Variants in ABTB2 observed in about 807,000 individuals in gnomAD.
ABTB2 encodes the protein ankyrin repeat and BTB domain containing 2.
Under a neutral mutation model 104.1 loss-of-function variants are expected in ABTB2, and 56 were observed. The observed-to-expected ratio is 0.54, with a 90% confidence interval of 0.43 to 0.67. The LOEUF (loss-of-function observed/expected upper bound fraction) is 0.67. Ranked by LOEUF, ABTB2 falls within the 30% of genes least tolerant of loss-of-function variation. The probability of loss-of-function intolerance (pLI) is 0.00; values close to 1 mark genes in which losing one functional copy is unlikely to be tolerated. For missense variants in ABTB2, 1,279 were observed against 1,407.7 expected, an observed-to-expected ratio of 0.91 and a Z score of 1.46; for synonymous variants, 606 against 608.2, an observed-to-expected ratio of 1.00 and a Z score of 0.05.
intron 5 of ABTB2, among the ~76,000 whole-genome samples, chr11:34,169,772 C>A (rs528809499): frequency 6.6e-6 from 1 of 152,202 alleles, no homozygotes; most frequent in South Asian, 2.1e-4. Flanking sequence ...ACTGCCCCAC[C>A]CCACACTCCT....
chr11:34,204,425 TGGA>T (rs926930415), intron 2 of ABTB2, 116 bp downstream of exon 2: 73 of 1,264,320 alleles, frequency 5.8e-5, no homozygotes, highest in East Asian at 1.5e-4. Flanking sequence ...GCAAGGCACT[TGGA>T]GGAGGAGGAG....
intron 4 of ABTB2, among the ~76,000 whole-genome samples, chr11:34,172,459 T>TAGATAGAC (rs61525212): frequency 0.043 from 5,572 of 130,486 alleles, 577 homozygotes; most frequent in African/African-American, 0.15. Context: ...GATAGATAGA[T>TAGATAGAC]AGATAGATAG....
In ABTB2 at chr11:34,152,261, A is replaced by G; in HGVS notation, c.*126T>C. On this transcript the variant is annotated 3_prime_UTR_variant, in exon 17 of 17. Coordinates refer to ENST00000435224, the MANE Select transcript of ABTB2 (RefSeq NM_145804.3). ...GGTGAGCTGCCCGGTGACAGGGGGG[A>G]CATCTGGGGGAGGAGGAGGAAACAG... 9.7e-7 allele frequency: 1 copy of G among 1,033,372 alleles called. No individual in the cohort carries two copies. Among genetic ancestry groups the G allele is most frequent in the Non-Finnish European group, 1.4e-6 (1 of 722,230 alleles). The allele number at this position is 1,033,372 out of a possible 1,614,324, so 64.0% of individuals were successfully genotyped here. A position where few individuals can be genotyped will look rare whatever the true frequency, so the allele number is the denominator to read the frequency against.
At chr11:34,327,230 C>T (rs150538413) in intron 1 of ABTB2, among the ~76,000 whole-genome samples, 3 of 152,248 alleles carry the variant, frequency 2.0e-5, no homozygotes, top group Admixed American at 6.5e-5. Context: ...ATTACGCAAA[C>T]GTATCAAAAG....
intron 14 of ABTB2, among the ~76,000 whole-genome samples, chr11:34,158,590 G>A (rs954284689): frequency 2.0e-5 from 3 of 152,160 alleles, no homozygotes; most frequent in African/African-American, 7.2e-5. Flanking sequence ...TTGCAGCCCT[G>A]AGCCCACCAC....
chr11:34,350,197 G>A (rs186062525), intron 1 of ABTB2, among the ~76,000 whole-genome samples: 8 of 152,194 alleles, frequency 5.3e-5, no homozygotes, highest in Admixed American at 2.0e-4. Context: ...TCTAAACACC[G>A]AGATGGAGTC....
rs544925547 is a variant in ABTB2 at position 34,238,148 on chromosome 11, C to T, written c.884-33458G>A. Among the ~76,000 whole-genome samples the T allele has an allele frequency of 7.9e-5, 12 of 152,354 alleles. 1 individual carries two copies. Among genetic ancestry groups the T allele is most frequent in the Admixed American group, 7.2e-4 (11 of 15,304 alleles). On this transcript the variant is annotated intron_variant, in intron 1 of 16. Transcript: ENST00000435224. ...TACTCCCAGCCTCTCTGGCTACCCA[C>T]ACTAGCTGCCTCCTTGCTGTTCTCA...
At chr11:34,285,113 C>A (rs1232774408) in intron 1 of ABTB2, among the ~76,000 whole-genome samples, 1 of 152,122 alleles carries the variant, frequency 6.6e-6, no homozygotes, top group Admixed American at 6.6e-5. Context: ...TTAGACCAGG[C>A]GGAGGGGGGC....
chr11:34,176,618 G>A (rs1242258921), intron 3 of ABTB2, among the ~76,000 whole-genome samples: 1 of 152,170 alleles, frequency 6.6e-6, no homozygotes, highest in Admixed American at 6.5e-5. Context: ...CTGCAGCCTG[G>A]GAGACAAAGA....
intron 3 of ABTB2, among the ~76,000 whole-genome samples, chr11:34,179,793 G>C (rs1226685628): frequency 6.6e-6 from 1 of 152,184 alleles, no homozygotes; most frequent in African/African-American, 2.4e-5. Context: ...TGGTGACCAA[G>C]AGCACGGACT....
intron 3 of ABTB2, among the ~76,000 whole-genome samples, chr11:34,194,117 G>T (rs1853217411): frequency 6.6e-6 from 1 of 152,170 alleles, no homozygotes; most frequent in African/African-American, 2.4e-5. Flanking sequence ...AAGGAATCAG[G>T]GTACCTTTCT....
At chr11:34,316,352 C>T (rs991583285) in intron 1 of ABTB2, among the ~76,000 whole-genome samples, 1 of 152,212 alleles carries the variant, frequency 6.6e-6, no homozygotes, top group African/African-American at 2.4e-5. Flanking sequence ...GACAAGAACT[C>T]CTCACAGTAG....
chr11:34,355,871 T>G (rs1855459580), intron 1 of ABTB2, among the ~76,000 whole-genome samples: 1 of 152,234 alleles, frequency 6.6e-6, no homozygotes, highest in South Asian at 2.1e-4. Context: ...TTCAGGGAAG[T>G]GCAACCACCC....
intron 1 of ABTB2, among the ~76,000 whole-genome samples, chr11:34,347,071 A>G (rs1472771048): frequency 6.6e-6 from 1 of 152,162 alleles, no homozygotes; most frequent in Non-Finnish European, 1.5e-5. Flanking sequence ...TTGTATGTCC[A>G]GGCTTCCAAG....
At chr11:34,236,043 C>T (rs553399359) in intron 1 of ABTB2, among the ~76,000 whole-genome samples, 36 of 152,216 alleles carry the variant, frequency 2.4e-4, no homozygotes, top group South Asian at 2.1e-3. Flanking sequence ...GGACAGACAT[C>T]GTGGACATCG....
intron 1 of ABTB2, among the ~76,000 whole-genome samples, chr11:34,330,014 C>T (rs766513221): frequency 1.5e-4 from 23 of 152,222 alleles, no homozygotes; most frequent in Non-Finnish European, 2.9e-4. Context: ...CTATTTCTGA[C>T]CAAGTGGTTG....
chr11:34,168,709 C>T (rs1470610125), intron 5 of ABTB2, among the ~76,000 whole-genome samples: 5 of 152,232 alleles, frequency 3.3e-5, no homozygotes, highest in South Asian at 2.1e-4. Context: ...TCCCACGAGA[C>T]GGTAGAGGAG....
At position 34,284,391 on chromosome 11, in the gene ABTB2, G is replaced by T. The variant is rs374607394; in HGVS notation, c.883+72310C>A. ...GGCCATTTGCCAGAGTGACCAGAAG[G>T]ATTGGCCCCAATGTCTGAGCTGCCT... On this transcript the variant is annotated intron_variant, in intron 1 of 16. Coordinates refer to ENST00000435224, the MANE Select transcript of ABTB2 (RefSeq NM_145804.3). 9.8e-5 allele frequency among the ~76,000 whole-genome samples: 15 copies of T among 152,338 alleles called. No homozygotes were observed. The South Asian group carries it at 2.9e-3, about 29-fold the overall frequency.
At chr11:34,287,013 C>G (rs73497342) in intron 1 of ABTB2, among the ~76,000 whole-genome samples, 34 of 152,178 alleles carry the variant, frequency 2.2e-4, no homozygotes, top group Admixed American at 1.2e-3. Context: ...GCCTCCTCAT[C>G]ATGGTGGTGG....
Sources: gnomAD v4.1 joint callset for allele counts (sites outside exome capture counted in the v4.1 genomes callset) on GRCh38, gnomAD v4.1.1 for gene constraint, MANE v1.5 for transcripts, NCBI Gene and HGNC (gene_info 2026-07-23, HGNC 2026-07-21) for gene names.